OSBPL1A: variants seen among roughly 807,000 people sequenced by gnomAD.
OSBPL1A encodes the protein oxysterol binding protein like 1A, also known as oxysterol-binding protein-related protein 1.
A neutral mutation model predicts 137.1 loss-of-function variants in OSBPL1A; 80 were observed. The ratio of observed to expected loss-of-function variants is 0.58; its 90% confidence interval spans 0.49 to 0.70. The LOEUF is 0.70. OSBPL1A is among the 30% of genes least tolerant of loss of function. The pLI is 0.00. For missense variants in OSBPL1A, 970 were observed against 1,129.4 expected (o/e 0.86, Z 2.02); for synonymous variants, 365 against 389.7 (o/e 0.94, Z 0.75).
chr18:24,364,340 C>G (rs1273245600), intron 4 of OSBPL1A, among the ~76,000 whole-genome samples: 2 of 152,214 alleles, frequency 1.3e-5, no homozygotes, highest in Admixed American at 6.5e-5. Flanking sequence ...AAAGCACTCT[C>G]CAGCCTACAC....
At chr18:24,278,753 A>G (rs1477212477) in intron 15 of OSBPL1A, among the ~76,000 whole-genome samples, 5 of 152,194 alleles carry the variant, frequency 3.3e-5, no homozygotes, top group African/African-American at 1.2e-4. Flanking sequence ...GCGGTTTTAC[A>G]AGGTACTAAA....
At chr18:24,234,293 T>A (rs1441682253) in intron 16 of OSBPL1A, among the ~76,000 whole-genome samples, 1 of 152,126 alleles carries the variant, frequency 6.6e-6, no homozygotes, top group Non-Finnish European at 1.5e-5. Context: ...TACAGCTATA[T>A]CCGAAATTTC....
chr18:24,287,782 T>TAAAATAA (rs1323007090), intron 14 of OSBPL1A, among the ~76,000 whole-genome samples: 1 of 146,084 alleles, frequency 6.8e-6, no homozygotes, highest in Non-Finnish European at 1.5e-5. Context: ...AAAAATAAAA[T>TAAAATAA]AAAATAAAAT....
chr18:24,256,713 A>T (rs1264732428), intron 15 of OSBPL1A, among the ~76,000 whole-genome samples: 6 of 151,958 alleles, frequency 3.9e-5, no homozygotes. Context: ...GTTTGGAAAA[A>T]CCTAGAGACT....
At position 24,239,292 on chromosome 18, in the gene OSBPL1A, C is replaced by T. The variant is rs955655515; in HGVS notation, c.1372G>A (p.Glu458Lys). Residue 458 changes from glutamate (E) to lysine (K), a missense_variant, in exon 16 of 28, where the codon GAG becomes AAG. Glu to Lys is a moderately conservative substitution (Grantham distance 56, BLOSUM62 1). Around this residue, in one of 2 missense-constraint regions of OSBPL1A, gnomAD observed 647 missense variants for 672.6 expected, o/e 0.96. Transcript: ENST00000319481. ...ETLATEHHEL[E>K]QSLVKGSPPA... ...GGAGAGCCTTTCACCAGAGACTGCT[C>T]TAATTCATGATGTTCAGTGGCCAGC... is the stretch of plus-strand genomic sequence containing the variant. 1.2e-6 allele frequency: 2 copies of T among 1,614,122 alleles called. No individual in the cohort carries two copies. Among genetic ancestry groups the T allele is most frequent in the Non-Finnish European group, 1.7e-6 (2 of 1,180,006 alleles).
chr18:24,216,396 A>G (rs963897494), intron 17 of OSBPL1A, among the ~76,000 whole-genome samples: 5 of 152,186 alleles, frequency 3.3e-5, no homozygotes, highest in Non-Finnish European at 1.5e-5. Flanking sequence ...AGTCCCAGCT[A>G]CCTGGGAGGC....
In OSBPL1A at chr18:24,223,632, A is replaced by G. The variant is rs140371328; in HGVS notation, c.1601+1410T>C. On this transcript the variant is annotated intron_variant, in intron 17 of 27. Transcript: ENST00000319481. ...TCTGGGTTTGACTTTAGAACACAGAATGTATGAATATGGTATAATATAATT... is the reference window on the plus strand; with the variant it reads ...TCTGGGTTTGACTTTAGAACACAGAGTGTATGAATATGGTATAATATAATT... Among the ~76,000 whole-genome samples, 410 of 152,264 alleles carry G rather than the reference A, an allele frequency of 2.7e-3. 2 individuals are homozygous for G. The highest frequency in any genetic ancestry group is 9.3e-3 in the African/African-American group (386 of 41,570).
At chr18:24,344,306 C>T (rs568989892) in intron 4 of OSBPL1A, among the ~76,000 whole-genome samples, 34 of 152,072 alleles carry the variant, frequency 2.2e-4, no homozygotes, top group African/African-American at 8.2e-4. Context: ...AAAAATTAGC[C>T]GGGCATGGTG....
rs1460469544 is a variant in OSBPL1A at position 24,324,565 on chromosome 18, G to A, written c.626-5756C>T. 4.2e-4 allele frequency among the ~76,000 whole-genome samples: 20 copies of A among 47,204 alleles called. 8 individuals carry two copies. The highest frequency in any genetic ancestry group is 2.4e-3 in the African/African-American group (18 of 7,566). 31.0% of individuals were successfully genotyped at this position (47,204 alleles called of 152,430 possible). On this transcript the variant is annotated intron_variant, in intron 7 of 27. Transcript: ENST00000319481. ...ATAACTCACGTGTATACATTGGTGC[G>A]TATTTCCAGACTCCCAATAAAAACA...
intron 24 of OSBPL1A, among the ~76,000 whole-genome samples, chr18:24,169,377 G>C (rs1428019209): frequency 6.6e-6 from 1 of 152,228 alleles, no homozygotes; most frequent in Non-Finnish European, 1.5e-5. Context: ...CGGTAGGTCT[G>C]AGGTGAAGCT....
intron 17 of OSBPL1A, among the ~76,000 whole-genome samples, chr18:24,204,698 T>C (rs2087320748): frequency 3.3e-5 from 5 of 152,132 alleles, no homozygotes; most frequent in Admixed American, 3.3e-4. Context: ...CTGGGGCCAC[T>C]TGAGACTAAG....
intron 13 of OSBPL1A, among the ~76,000 whole-genome samples, chr18:24,308,664 C>G (rs970012698): frequency 6.6e-6 from 1 of 152,164 alleles, no homozygotes; most frequent in African/African-American, 2.4e-5. Flanking sequence ...TTCTATGATG[C>G]TGGAAATATT....
chr18:24,179,499 T>C (rs1296140276), intron 20 of OSBPL1A, among the ~76,000 whole-genome samples: 1 of 150,180 alleles, frequency 6.7e-6, no homozygotes, highest in Non-Finnish European at 1.5e-5. Context: ...AAAAGGAGGG[T>C]GATTAATCCC....
In OSBPL1A at chr18:24,250,037, A is replaced by T. The variant is rs2089028468; in HGVS notation, c.1282-10655T>A. Among the ~76,000 whole-genome samples the T allele has an allele frequency of 2.0e-5, 3 of 152,172 alleles. No homozygotes were observed. The South Asian group carries it at 6.2e-4, about 32-fold the overall frequency. ...TTAAGGAGAAGAGGGCGAAGAGTAG[A>T]GAGGACTTTGTCATGCATCTAGGAT... is the stretch of plus-strand genomic sequence containing the variant. On this transcript the variant is annotated intron_variant, in intron 15 of 27. Transcript: ENST00000319481.
intron 16 of OSBPL1A, among the ~76,000 whole-genome samples, chr18:24,226,891 T>C (rs1271155664): frequency 7.0e-6 from 1 of 141,966 alleles, no homozygotes; most frequent in Non-Finnish European, 1.5e-5. Context: ...AAACAGATTT[T>C]TTTTTTTTTT....
chr18:24,246,125 T>C (rs1229760711), intron 15 of OSBPL1A, among the ~76,000 whole-genome samples: 2 of 151,948 alleles, frequency 1.3e-5, no homozygotes, highest in Non-Finnish European at 2.9e-5. Context: ...GGCAGGAGAA[T>C]TGCTTGAACC....
intron 17 of OSBPL1A, among the ~76,000 whole-genome samples, chr18:24,203,701 T>G (rs2087288056): frequency 6.6e-6 from 1 of 152,232 alleles, no homozygotes; most frequent in Admixed American, 6.5e-5. Context: ...TCTATTTTTC[T>G]GTGCTTTTCC....
At chr18:24,293,522 G>A (rs1342059750) in intron 14 of OSBPL1A, among the ~76,000 whole-genome samples, 1 of 152,232 alleles carries the variant, frequency 6.6e-6, no homozygotes, top group Non-Finnish European at 1.5e-5. Context: ...AGCAGACGAG[G>A]AGGAGCAAAC....
intron 2 of OSBPL1A, among the ~76,000 whole-genome samples, chr18:24,369,644 A>G (rs777893443): frequency 1.3e-5 from 2 of 152,130 alleles, no homozygotes; most frequent in Non-Finnish European, 2.9e-5. Flanking sequence ...GGCCTCTAAC[A>G]ACCCTCCAAG....
Sources: allele counts gnomAD v4.1 joint callset (sites outside exome capture counted in the v4.1 genomes callset), GRCh38; gene constraint gnomAD v4.1.1; regional missense constraint gnomAD v4.1.1; transcripts MANE v1.5; gene names NCBI Gene and HGNC (gene_info 2026-07-23, HGNC 2026-07-21).